Variants in TSPAN7 observed in about 807,000 individuals in gnomAD.
TSPAN7 encodes the protein tetraspanin 7.
A neutral mutation model predicts 17.6 loss-of-function variants in TSPAN7; 1 was observed. The ratio of observed to expected loss-of-function variants is 0.06; its 90% CI spans 0.02 to 0.27. The LOEUF (loss-of-function observed/expected upper bound fraction) is 0.27, where lower values mean the gene tolerates loss of function less well. Among genes scored for constraint, TSPAN7 ranks in the 10% least tolerant of loss-of-function variants. TSPAN7 has a pLI of 1.00. For missense variants in TSPAN7, 112 were observed against 201.7 expected (o/e 0.56, Z 2.69); for synonymous variants, 78 against 79.0 (o/e 0.99, Z 0.07).
chrX:38,684,901 C>T (rs2069917466), intron 6 of TSPAN7, among the ~76,000 whole-genome samples: 1 of 111,703 alleles, frequency 9.0e-6, no homozygotes, highest in South Asian at 3.8e-4. Context: ...GGCCAGAGAT[C>T]ACCCTTGTTC....
At chrX:38,614,833 G>A (rs1286280976) in intron 1 of TSPAN7, among the ~76,000 whole-genome samples, 1 of 112,007 alleles carries the variant, frequency 8.9e-6, no homozygotes, top group African/African-American at 3.2e-5. Context: ...TTTCTATATG[G>A]CCACAAGGCT....
At chrX:38,581,023 A>G (rs1352245207) in intron 1 of TSPAN7, among the ~76,000 whole-genome samples, 2 of 112,586 alleles carry the variant, frequency 1.8e-5, no homozygotes, top group East Asian at 5.6e-4. Context: ...AAAGTTTACA[A>G]CTGTAGTGGG....
In TSPAN7 at chrX:38,640,936, A is replaced by G. The variant is rs193192496; in HGVS notation, c.82-25185A>G. On this transcript the variant is annotated intron_variant, in intron 1 of 7. Coordinates refer to ENST00000378482, the MANE Select transcript of TSPAN7 (RefSeq NM_004615.4). ...AGGCACAATACTAAGCACTTTAGCT[A>G]TATTTCATTTAATACCCACTATACC... 1.3e-4 allele frequency among the ~76,000 whole-genome samples: 15 copies of G among 112,462 alleles called. No individual in the cohort carries two copies. In the East Asian group the frequency reaches 2.8e-3, roughly 21 times the overall value.
chrX:38,671,553 C>T (rs745634190), intron 3 of TSPAN7, 103 bp downstream of exon 3: 2 of 796,556 alleles, frequency 2.5e-6, no homozygotes, highest in East Asian at 3.2e-5. Context: ...TAGCTGTTTT[C>T]CTCAGTGGTG....
At chrX:38,620,104 A>G (rs1391597842) in intron 1 of TSPAN7, among the ~76,000 whole-genome samples, 1 of 111,647 alleles carries the variant, frequency 9.0e-6, no homozygotes, top group Non-Finnish European at 1.9e-5. Flanking sequence ...TTTAGGAAAG[A>G]AGTGGTGGGA....
At chrX:38,659,001 TACACACACACACACAC>T (rs71903430) in intron 1 of TSPAN7, among the ~76,000 whole-genome samples, 30 of 96,018 alleles carry the variant, frequency 3.1e-4, no homozygotes, top group Non-Finnish European at 5.1e-4. Context: ...TTATCTTCCA[TACACACACACACACAC>T]ACACACACAC....
chrX:38,643,336 G>A (rs59553221), intron 1 of TSPAN7, among the ~76,000 whole-genome samples: 1,209 of 110,053 alleles, frequency 0.011, 16 homozygotes, highest in African/African-American at 0.038. Flanking sequence ...CACAAGGGGG[G>A]GAATGTGTCT....
chrX:38,684,740 CA>C (rs1360593831), intron 6 of TSPAN7, among the ~76,000 whole-genome samples: 1 of 110,940 alleles, frequency 9.0e-6, no homozygotes. Flanking sequence ...ATTAATTCCC[CA>C]TATCACGTAA....
intron 1 of TSPAN7, among the ~76,000 whole-genome samples, chrX:38,652,189 A>G (rs771025775): frequency 7.1e-5 from 8 of 111,906 alleles, no homozygotes; most frequent in Middle Eastern, 4.7e-3. Context: ...GGTTTCCCCA[A>G]TTCCTGTGCT....
At chrX:38,680,409 C>T (rs896984807) in intron 5 of TSPAN7, among the ~76,000 whole-genome samples, 1 of 109,929 alleles carries the variant, frequency 9.1e-6, no homozygotes, top group Non-Finnish European at 1.9e-5. Context: ...CTTTATTTTT[C>T]GCAGACTTTA....
chrX:38,577,393 C>G (rs985948743), intron 1 of TSPAN7, among the ~76,000 whole-genome samples: 2 of 110,774 alleles, frequency 1.8e-5, no homozygotes, highest in Non-Finnish European at 3.8e-5. Context: ...GAGAGCAGAT[C>G]TGACCTTTAA....
intron 1 of TSPAN7, among the ~76,000 whole-genome samples, chrX:38,635,702 T>G (rs2069576712): frequency 8.9e-6 from 1 of 112,475 alleles, no homozygotes; most frequent in Non-Finnish European, 1.9e-5. Flanking sequence ...GTCCTTAGTA[T>G]AACCTTGTGA....
At chrX:38,650,271 A>G (rs1263069744) in intron 1 of TSPAN7, among the ~76,000 whole-genome samples, 1 of 112,512 alleles carries the variant, frequency 8.9e-6, no homozygotes, top group Non-Finnish European at 1.9e-5. Context: ...TAGTAGCCAC[A>G]TGATTTGTGG....
chrX:38,679,552 C>T (rs1012328363), intron 5 of TSPAN7, among the ~76,000 whole-genome samples: 3 of 111,174 alleles, frequency 2.7e-5, no homozygotes, highest in African/African-American at 6.5e-5. Flanking sequence ...GTAATCCCAG[C>T]ACTTTGGGAA....
At chrX:38,563,284 TG>T (rs773793338) in intron 1 of TSPAN7, 1 of 390,184 alleles carries the variant, frequency 2.6e-6, no homozygotes, top group Admixed American at 4.9e-5. Context: ...AGTGGAATTG[TG>T]AGCTATGCAC....
At chrX:38,684,834 A>G (rs1299184313) in intron 6 of TSPAN7, among the ~76,000 whole-genome samples, 2 of 111,351 alleles carry the variant, frequency 1.8e-5, no homozygotes, top group Admixed American at 9.6e-5. Context: ...GGCAGCTACT[A>G]TAGATCCAGG....
At chrX:38,604,861 C>G (rs1367559481) in intron 1 of TSPAN7, among the ~76,000 whole-genome samples, 2 of 110,930 alleles carry the variant, frequency 1.8e-5, no homozygotes, top group African/African-American at 6.6e-5. Flanking sequence ...ATTCAACAAC[C>G]CTTCATGCTA....
intron 1 of TSPAN7, among the ~76,000 whole-genome samples, chrX:38,563,339 A>G (rs2069124711): frequency 8.9e-6 from 1 of 112,023 alleles, no homozygotes; most frequent in Non-Finnish European, 1.9e-5. Flanking sequence ...GCAGTAACAC[A>G]TGCTGATTGC....
intron 1 of TSPAN7, among the ~76,000 whole-genome samples, chrX:38,658,391 G>C (rs1376199771): frequency 1.8e-5 from 2 of 109,135 alleles, no homozygotes; most frequent in African/African-American, 6.7e-5. Flanking sequence ...TGTTGCCCAG[G>C]CTGGTCTTGA....
Sources: gnomAD v4.1 joint callset for allele counts (sites outside exome capture counted in the v4.1 genomes callset) on GRCh38, gnomAD v4.1.1 for gene constraint, MANE v1.5 for transcripts, NCBI Gene and HGNC (gene_info 2026-07-23, HGNC 2026-07-21) for gene names.